The following STS variants were observed in gnomAD, a reference collection of about 807,000 sequenced individuals.
STS encodes steryl-sulfatase.
Under a neutral mutation model 26.8 loss-of-function variants are expected in STS, and 7 were observed. The observed-to-expected ratio is 0.26, with a 90% CI of 0.15 to 0.49. The LOEUF (loss-of-function observed/expected upper bound fraction) is 0.49, where lower values mean the gene tolerates loss of function less well. Ranked by LOEUF, STS falls within the 20% of genes least tolerant of loss-of-function variation. The probability of loss-of-function intolerance (pLI) is 0.98; values close to 1 mark genes in which losing one functional copy is unlikely to be tolerated. For missense variants in STS, 434 were observed against 465.6 expected, an observed-to-expected ratio of 0.93 and a Z score of 0.63; for synonymous variants, 199 against 189.4, an observed-to-expected ratio of 1.05 and a Z score of -0.42.
chrX:7,155,279 A>G (rs1448820816), intron 1 of STS, among the ~76,000 whole-genome samples: 10 of 112,007 alleles, frequency 8.9e-5, no homozygotes, highest in African/African-American at 3.2e-4. Context: ...ATACCAGACT[A>G]CTGTTCAGCA....
At chrX:7,345,332 G>C (rs1356066163) in intron 10 of STS, among the ~76,000 whole-genome samples, 1 of 111,768 alleles carries the variant, frequency 8.9e-6, no homozygotes, top group Non-Finnish European at 1.9e-5. Context: ...CTATGTGTAA[G>C]TGTGCATTCA....
intron 10 of STS, among the ~76,000 whole-genome samples, chrX:7,334,314 G>A (rs1927909130): frequency 9.0e-6 from 1 of 111,109 alleles, no homozygotes; most frequent in Admixed American, 9.5e-5. Flanking sequence ...GAGGACATCA[G>A]AAGGCCATGT....
chrX:7,331,695 C>G (rs762310746), intron 9 of STS, among the ~76,000 whole-genome samples: 28 of 110,931 alleles, frequency 2.5e-4, no homozygotes, highest in Non-Finnish European at 4.1e-4. Context: ...TGGTTTAAGA[C>G]AATCCCAAAT....
intron 6 of STS, among the ~76,000 whole-genome samples, chrX:7,271,926 C>T (rs1263497089): frequency 1.8e-5 from 2 of 109,952 alleles, no homozygotes; most frequent in African/African-American, 6.6e-5. Context: ...TTAGCTCTAA[C>T]CCAAAGTGTG....
At chrX:7,323,437 G>T (rs1250346552) in intron 8 of STS, among the ~76,000 whole-genome samples, 1 of 110,894 alleles carries the variant, frequency 9.0e-6, no homozygotes, top group Non-Finnish European at 1.9e-5. Context: ...TATGAGTACT[G>T]AATGTTTAGC....
chrX:7,204,561 C>G (rs948057572), intron 2 of STS, among the ~76,000 whole-genome samples: 3 of 88,019 alleles, frequency 3.4e-5, no homozygotes, highest in African/African-American at 1.3e-4. Flanking sequence ...TCCTTCCCTT[C>G]CTTTTCTTCC....
At chrX:7,187,007 C>CGGGA (rs1249537566) in intron 1 of STS, among the ~76,000 whole-genome samples, 2 of 111,564 alleles carry the variant, frequency 1.8e-5, no homozygotes, top group Non-Finnish European at 3.8e-5. Flanking sequence ...AGAGGTTTCC[C>CGGGA]ACCTTGAGGC....
chrX:7,193,323 CA>C (rs1468591671), intron 2 of STS, among the ~76,000 whole-genome samples: 2 of 112,163 alleles, frequency 1.8e-5, no homozygotes, highest in Admixed American at 1.9e-4. Context: ...CACGGGCTGG[CA>C]TGAATTTCTG....
chrX:7,219,761 T>G, intron 2 of STS: 2 of 1,081,510 alleles, frequency 1.8e-6, no homozygotes, highest in Non-Finnish European at 2.6e-6. Context: ...TCACAGCAGC[T>G]ACCTGCTTGT....
chrX:7,253,704 C>T (rs2097452553), intron 3 of STS, among the ~76,000 whole-genome samples: 1 of 111,872 alleles, frequency 8.9e-6, no homozygotes, highest in Non-Finnish European at 1.9e-5. Context: ...TGGGTCTGTA[C>T]TACTCTGTCC....
At chrX:7,211,062 G>A (rs992699476) in intron 2 of STS, among the ~76,000 whole-genome samples, 8 of 111,902 alleles carry the variant, frequency 7.1e-5, no homozygotes, top group Non-Finnish European at 1.3e-4. Context: ...ACACATGAAT[G>A]TTGTAGTCAC....
At chrX:7,238,040 G>A (rs889515847) in intron 2 of STS, among the ~76,000 whole-genome samples, 1 of 109,776 alleles carries the variant, frequency 9.1e-6, no homozygotes, top group East Asian at 2.9e-4. Flanking sequence ...GCAGCAACAT[G>A]GATGAAGTGT....
intron 1 of STS, among the ~76,000 whole-genome samples, chrX:7,186,643 A>G (rs936626375): frequency 6.2e-5 from 7 of 112,196 alleles, no homozygotes; most frequent in Non-Finnish European, 1.3e-4. Flanking sequence ...ATCTTCTCCT[A>G]AGATGGAGTC....
chrX:7,204,499 CCCTCCCTCCTTTCCTCCCTT>C (rs1934150055), intron 2 of STS, among the ~76,000 whole-genome samples: 2 of 96,561 alleles, frequency 2.1e-5, no homozygotes, highest in South Asian at 5.7e-4. Flanking sequence ...CTTCCTTCCT[CCCTCCCTCCTTTCCTCCCTT>C]CCTCCCTCCC....
intron 2 of STS, among the ~76,000 whole-genome samples, chrX:7,197,551 G>A (rs1258688331): frequency 1.8e-5 from 2 of 112,069 alleles, no homozygotes; most frequent in Non-Finnish European, 3.8e-5. Flanking sequence ...AGATCATGGG[G>A]TGATGTGCTC....
chrX:7,233,091 C>CTTT (rs3077766), intron 2 of STS, among the ~76,000 whole-genome samples: 27 of 69,853 alleles, frequency 3.9e-4, no homozygotes, highest in South Asian at 1.5e-3. Context: ...TTCTTTTTTT[C>CTTT]TTTTTTTTTT....
chrX:7,177,146 A>G (rs1933586955), intron 1 of STS, among the ~76,000 whole-genome samples: 1 of 111,212 alleles, frequency 9.0e-6, no homozygotes, highest in Admixed American at 9.6e-5. Flanking sequence ...CCCTTTTGCC[A>G]TGGAAGGAAA....
intron 8 of STS, among the ~76,000 whole-genome samples, chrX:7,311,282 A>G (rs770074939): frequency 8.1e-5 from 9 of 110,446 alleles, no homozygotes; most frequent in African/African-American, 2.6e-4. Flanking sequence ...TTTCGTAAAC[A>G]TAGTGTCAAT....
chrX:7,169,650 A>G (rs1032152593), intron 1 of STS, among the ~76,000 whole-genome samples: 1 of 112,082 alleles, frequency 8.9e-6, no homozygotes, highest in Non-Finnish European at 1.9e-5. Context: ...AAGTCCTCAC[A>G]TTACAGACAA....
Sources: allele counts gnomAD v4.1 joint callset (sites outside exome capture counted in the v4.1 genomes callset), GRCh38; gene constraint gnomAD v4.1.1; transcripts MANE v1.5; gene names NCBI Gene and HGNC (gene_info 2026-07-23, HGNC 2026-07-21).